Variants in CD53 observed in about 807,000 individuals in gnomAD.
The protein encoded by CD53 is CD53 molecule, also known as leukocyte surface antigen CD53.
Under a neutral mutation model 27.3 loss-of-function variants are expected in CD53, and 20 were observed. That is an observed-to-expected ratio of 0.73 (90% CI 0.52 to 1.07). The LOEUF is 1.07. Among genes scored for constraint, CD53 ranks in the 50% least tolerant of loss-of-function variants. The pLI is 0.00. For missense variants in CD53, 216 were observed against 264.0 expected (o/e 0.82, Z 1.26); for synonymous variants, 106 against 105.3 (o/e 1.01, Z -0.04).
At chr1:110,896,959 T>C (rs1294215680) in intron 6 of CD53, among the ~76,000 whole-genome samples, 1 of 152,170 alleles carries the variant, frequency 6.6e-6, no homozygotes, top group Non-Finnish European at 1.5e-5. Context: ...CACTAGACTA[T>C]TACATTAGAG....
chr1:110,871,617 G>A (rs1056213682), upstream of CD53, among the ~76,000 whole-genome samples: 1 of 152,082 alleles, frequency 6.6e-6, no homozygotes, highest in Non-Finnish European at 1.5e-5. Flanking sequence ...ATAGTAATTA[G>A]AGCCATCAGA....
At position 110,899,306 on chromosome 1, in the gene CD53, C is replaced by T. The variant is rs1657204594; in HGVS notation, c.*111C>T. The T allele has an allele frequency of 1.3e-6, 1 of 742,798 alleles. No individual in the cohort carries two copies. The highest frequency in any genetic ancestry group is 2.3e-6 in the Non-Finnish European group (1 of 438,006). 46.0% of individuals were successfully genotyped at this position (742,798 alleles called of 1,614,324 possible). On this transcript the variant is annotated 3_prime_UTR_variant, in exon 8 of 8. Coordinates refer to ENST00000271324, the MANE Select transcript of CD53 (RefSeq NM_000560.4). The stretch of plus-strand genomic sequence containing the variant: ...CAGGATGATCCTCCTCCCATCCTTT[C>T]CCTTTTTAGGTCCCTGTCTTATACA...
At chr1:110,873,617 A>AT (rs1412540792) in intron 1 of CD53, among the ~76,000 whole-genome samples, 1 of 152,134 alleles carries the variant, frequency 6.6e-6, no homozygotes, top group African/African-American at 2.4e-5. Flanking sequence ...TGGTCTTGTG[A>AT]TTTTAAAGTG....
At chr1:110,898,379 G>GAAAA (rs11390194) in intron 7 of CD53, among the ~76,000 whole-genome samples, 4 of 115,644 alleles carry the variant, frequency 3.5e-5, no homozygotes, top group Non-Finnish European at 5.1e-5. Flanking sequence ...TCTGTCTCCA[G>GAAAA]AAAAAAAAAA....
chr1:110,897,267 C>T (rs867613662), intron 6 of CD53, among the ~76,000 whole-genome samples: 2 of 152,208 alleles, frequency 1.3e-5, no homozygotes, highest in Non-Finnish European at 2.9e-5. Flanking sequence ...CCACAACTAT[C>T]TTCCAACTAG....
At chr1:110,879,243 T>C (rs1024163815) in intron 1 of CD53, among the ~76,000 whole-genome samples, 3 of 152,222 alleles carry the variant, frequency 2.0e-5, no homozygotes, top group Non-Finnish European at 4.4e-5. Context: ...TGAGCCATCC[T>C]GGAAATAGTA....
At position 110,894,321 on chromosome 1, in the gene CD53, T is replaced by C; in HGVS notation, c.253-6T>C. ...GTGCTGTGAGAATGTATCTGCTTTG[T>C]CCCAGTTCTTCATCCTGCTGCTGAT... is the stretch of plus-strand genomic sequence containing the variant. On this transcript the variant is annotated splice_region_variant and splice_polypyrimidine_tract_variant and intron_variant, in intron 3 of 7. Coordinates refer to ENST00000271324, the MANE Select transcript of CD53 (RefSeq NM_000560.4). The C allele has an allele frequency of 6.2e-7, 1 of 1,613,774 alleles. No homozygotes were observed. The highest frequency in any genetic ancestry group is 8.5e-7 in the Non-Finnish European group (1 of 1,179,682).
At chr1:110,898,369 T>C (rs1244548476) in intron 7 of CD53, among the ~76,000 whole-genome samples, 3 of 130,108 alleles carry the variant, frequency 2.3e-5, no homozygotes, top group African/African-American at 5.6e-5. Flanking sequence ...AGAGCGAGAC[T>C]CTGTCTCCAG....
intron 1 of CD53, among the ~76,000 whole-genome samples, chr1:110,890,743 C>A (rs936822862): frequency 6.6e-6 from 1 of 152,220 alleles, no homozygotes; most frequent in South Asian, 2.1e-4. Context: ...TCTCTTTTTA[C>A]TTCCCCATTG....
intron 1 of CD53, among the ~76,000 whole-genome samples, chr1:110,887,704 A>C (rs1656683834): frequency 6.6e-6 from 1 of 152,138 alleles, no homozygotes; most frequent in Admixed American, 6.5e-5. Context: ...TAGCCTGTGA[A>C]TCTTGGAGTT....
At chr1:110,890,126 A>G (rs143677891) in intron 1 of CD53, among the ~76,000 whole-genome samples, 3 of 152,290 alleles carry the variant, frequency 2.0e-5, no homozygotes, top group East Asian at 1.9e-4. Context: ...AGGAGATACT[A>G]TGGATTGCAC....
chr1:110,893,658 G>T (rs774501689), intron 3 of CD53, among the ~76,000 whole-genome samples: 1 of 152,184 alleles, frequency 6.6e-6, no homozygotes, highest in African/African-American at 2.4e-5. Context: ...CCAAGAGAAA[G>T]AATTTTTTAA....
intron 6 of CD53, 85 bp from the exon 7 acceptor site, chr1:110,897,724 T>C (rs1359900044): frequency 2.6e-6 from 2 of 773,446 alleles, no homozygotes; most frequent in Admixed American, 2.2e-5. Context: ...TAAAGCAAAA[T>C]GCAAAGCACT....
chr1:110,894,260 C>A (rs1347657762), intron 3 of CD53, 67 bp from the exon 4 acceptor site: 5 of 1,419,286 alleles, frequency 3.5e-6, no homozygotes, highest in Non-Finnish European at 5.0e-6. Flanking sequence ...TGGATGCTCC[C>A]AGAGCTGAGT....
chr1:110,896,519 C>A, intron 5 of CD53, 134 bp from the exon 6 acceptor site: 1 of 750,616 alleles, frequency 1.3e-6, no homozygotes, highest in Non-Finnish European at 2.3e-6. Context: ...TTTAAGGAGC[C>A]CATAGCAATC....
chr1:110,886,869 A>ATATATATATATATATATATATATTTT (rs1298376721), intron 1 of CD53, among the ~76,000 whole-genome samples: 1 of 82,796 alleles, frequency 1.2e-5, no homozygotes, highest in Non-Finnish European at 2.2e-5. Context: ...ATATATATAT[A>ATATATATATATATATATATATATTTT]TTTTTTTTTT....
chr1:110,880,695 A>C (rs1216805791), intron 1 of CD53, among the ~76,000 whole-genome samples: 1 of 152,190 alleles, frequency 6.6e-6, no homozygotes, highest in East Asian at 1.9e-4. Flanking sequence ...ATTCCACTAC[A>C]TCAGATAATT....
intron 1 of CD53, among the ~76,000 whole-genome samples, chr1:110,882,934 T>C (rs945726744): frequency 1.3e-5 from 2 of 152,100 alleles, no homozygotes; most frequent in Non-Finnish European, 2.9e-5. Context: ...CTACACTTAC[T>C]TGTTAGTTCT....
chr1:110,894,555 A>G (rs1656983735), intron 4 of CD53, among the ~76,000 whole-genome samples, 154 bp downstream of exon 4: 1 of 24,014 alleles, frequency 4.2e-5, no homozygotes, highest in Non-Finnish European at 2.6e-4. Context: ...AATTGGGGGG[A>G]AAATTTGTAT....
Sources: allele counts gnomAD v4.1 joint callset (sites outside exome capture counted in the v4.1 genomes callset), GRCh38; gene constraint gnomAD v4.1.1; transcripts MANE v1.5; gene names NCBI Gene and HGNC (gene_info 2026-07-23, HGNC 2026-07-21).